NLGN1: variants seen among roughly 807,000 people sequenced by gnomAD.
NLGN1 encodes the protein neuroligin 1.
A neutral mutation model predicts 65.5 loss-of-function variants in NLGN1; 12 were observed. The ratio of observed to expected loss-of-function variants is 0.18; its 90% CI spans 0.12 to 0.30. The LOEUF (loss-of-function observed/expected upper bound fraction) is 0.30, where lower values mean the gene tolerates loss of function less well. Among genes scored for constraint, NLGN1 ranks in the 10% least tolerant of loss-of-function variants. The probability of loss-of-function intolerance (pLI) is 1.00; values close to 1 mark genes in which losing one functional copy is unlikely to be tolerated. For missense variants in NLGN1, 750 were observed against 1,007.1 expected (o/e 0.74, Z 3.46); for synonymous variants, 350 against 359.5 (o/e 0.97, Z 0.30).
chr3:173,937,770 C>T (rs1005787047), intron 4 of NLGN1, among the ~76,000 whole-genome samples: 8 of 151,938 alleles, frequency 5.3e-5, no homozygotes, highest in South Asian at 2.1e-4. Flanking sequence ...ATGTGATTAA[C>T]GCAAAATAAG....
At chr3:174,148,722 C>T (rs574794878) in intron 4 of NLGN1, among the ~76,000 whole-genome samples, 2 of 152,234 alleles carry the variant, frequency 1.3e-5, no homozygotes, top group East Asian at 3.9e-4. Flanking sequence ...GCCATTAAGG[C>T]TCTATAATAA....
chr3:173,618,846 T>G (rs1030873001), intron 3 of NLGN1, among the ~76,000 whole-genome samples: 11 of 151,930 alleles, frequency 7.2e-5, no homozygotes, highest in Admixed American at 1.3e-4. Context: ...CAGTGAGAGA[T>G]AAAGCTGGCA....
chr3:173,451,536 G>A (rs538524877), intron 2 of NLGN1, among the ~76,000 whole-genome samples: 9 of 152,174 alleles, frequency 5.9e-5, no homozygotes, highest in South Asian at 2.1e-4. Flanking sequence ...CAGTCTGCCC[G>A]TTCTCAGATC....
At chr3:173,622,004 A>C (rs1471977392) in intron 3 of NLGN1, among the ~76,000 whole-genome samples, 1 of 152,096 alleles carries the variant, frequency 6.6e-6, no homozygotes, top group African/African-American at 2.4e-5. Flanking sequence ...GCACTGAAAA[A>C]TCCTCCTTTC....
intron 2 of NLGN1, chr3:173,584,591 A>G (rs2149374593): frequency 6.6e-6 from 1 of 152,012 alleles, no homozygotes; most frequent in South Asian, 2.1e-4. Context: ...ATCGAGATAA[A>G]TCTATTGGAT....
At chr3:173,697,852 T>C (rs1766465473) in intron 3 of NLGN1, among the ~76,000 whole-genome samples, 1 of 152,182 alleles carries the variant, frequency 6.6e-6, no homozygotes, top group South Asian at 2.1e-4. Context: ...TTCAATCTAA[T>C]ATTATTTTTA....
chr3:173,461,192 C>A (rs1256726131), intron 2 of NLGN1, among the ~76,000 whole-genome samples: 1 of 151,980 alleles, frequency 6.6e-6, no homozygotes, highest in Non-Finnish European at 1.5e-5. Context: ...CATGCATGGC[C>A]GAAATCCTTG....
intron 4 of NLGN1, among the ~76,000 whole-genome samples, chr3:173,954,596 T>C (rs1711535428): frequency 6.6e-6 from 1 of 152,008 alleles, no homozygotes. Context: ...TATCCCACCT[T>C]CTTCTTGCAT....
chr3:173,675,453 CAAACAAAG>C (rs1353271305), intron 3 of NLGN1, among the ~76,000 whole-genome samples: 1 of 151,908 alleles, frequency 6.6e-6, no homozygotes, highest in Admixed American at 6.6e-5. Flanking sequence ...TTAAAACAAA[CAAACAAAG>C]AAAGCTCTGA....
At chr3:174,183,724 C>T (rs1052626287) in intron 4 of NLGN1, among the ~76,000 whole-genome samples, 3 of 152,088 alleles carry the variant, frequency 2.0e-5, no homozygotes, top group African/African-American at 7.2e-5. Flanking sequence ...ATTTAAACTG[C>T]CCTAAAAAGT....
At chr3:173,767,421 A>T (rs990541753) in intron 3 of NLGN1, among the ~76,000 whole-genome samples, 1 of 152,076 alleles carries the variant, frequency 6.6e-6, no homozygotes, top group Non-Finnish European at 1.5e-5. Flanking sequence ...TATGTAGAGG[A>T]TATTGGCCAA....
At chr3:173,930,029 T>C (rs1360060934) in intron 4 of NLGN1, among the ~76,000 whole-genome samples, 1 of 152,134 alleles carries the variant, frequency 6.6e-6, no homozygotes, top group African/African-American at 2.4e-5. Flanking sequence ...AATTCCTTCC[T>C]ACAACTTTTT....
At chr3:173,551,257 G>GAAAT (rs1458031571) in intron 2 of NLGN1, among the ~76,000 whole-genome samples, 1 of 151,934 alleles carries the variant, frequency 6.6e-6, no homozygotes, top group Admixed American at 6.6e-5. Context: ...AGCAAAAATA[G>GAAAT]AGTTGAAATT....
chr3:173,573,003 C>T (rs1002083571), intron 2 of NLGN1, among the ~76,000 whole-genome samples: 1 of 152,174 alleles, frequency 6.6e-6, no homozygotes, highest in Non-Finnish European at 1.5e-5. Context: ...CTGGGAGCAT[C>T]CCATCACTAC....
intron 1 of NLGN1, among the ~76,000 whole-genome samples, chr3:173,400,246 CTTAATA>C (rs1428371152): frequency 4.6e-5 from 7 of 152,054 alleles, no homozygotes; most frequent in African/African-American, 1.7e-4. Context: ...GTCTTCTAGA[CTTAATA>C]TTATTATTAT....
At chr3:174,073,549 G>A (rs914268279) in intron 4 of NLGN1, among the ~76,000 whole-genome samples, 3 of 152,090 alleles carry the variant, frequency 2.0e-5, no homozygotes, top group Non-Finnish European at 2.9e-5. Context: ...GGTTCTCTGA[G>A]TTCTTTTCCT....
chr3:173,722,045 T>G (rs1419022868), intron 3 of NLGN1, among the ~76,000 whole-genome samples: 2 of 151,994 alleles, frequency 1.3e-5, no homozygotes, highest in East Asian at 3.9e-4. Flanking sequence ...TGTAAGTGCC[T>G]TAGAATGGAG....
At chr3:173,603,065 T>G (rs1451440569) in intron 2 of NLGN1, among the ~76,000 whole-genome samples, 1 of 152,132 alleles carries the variant, frequency 6.6e-6, no homozygotes, top group Admixed American at 6.6e-5. Context: ...TGCTGCCCTA[T>G]ATAGTTTTTA....
At chr3:173,800,539 TAA>T (rs1429072493) in intron 3 of NLGN1, among the ~76,000 whole-genome samples, 1 of 151,766 alleles carries the variant, frequency 6.6e-6, no homozygotes, top group African/African-American at 2.4e-5. Flanking sequence ...AAATTAATAT[TAA>T]GTTTTACATT....
Sources: gnomAD v4.1 joint callset for allele counts (sites outside exome capture counted in the v4.1 genomes callset) on GRCh38, gnomAD v4.1.1 for gene constraint, MANE v1.5 for transcripts, NCBI Gene and HGNC (gene_info 2026-07-23, HGNC 2026-07-21) for gene names.